USP37: variants seen among roughly 807,000 people sequenced by gnomAD.
The protein encoded by USP37 is ubiquitin specific peptidase 37, also known as ubiquitin carboxyl-terminal hydrolase 37.
In USP37, 27 loss-of-function variants were observed where a neutral mutation model predicts 124.0. The observed-to-expected ratio is 0.22, with a 90% confidence interval of 0.16 to 0.30. The LOEUF (loss-of-function observed/expected upper bound fraction) is 0.30, where lower values mean the gene tolerates loss of function less well. USP37 is among the 10% of genes least tolerant of loss of function. USP37 has a pLI of 1.00. For synonymous variants in USP37, 365 were observed against 388.0 expected (o/e 0.94, Z 0.70); for missense variants, 889 against 1,140.4 (o/e 0.78, Z 3.17).
chr2:218,481,219 G>C lies in USP37; in HGVS notation c.1835+851C>G, dbSNP rs373759098. The stretch of plus-strand genomic sequence containing the variant: ...TGATGAAGCAAAAACCTAAAGTAAA[G>C]ATTACTTCTTTTTTTCTTGAGAAAT... On this transcript the variant is annotated intron_variant, in intron 17 of 25. Transcript: ENST00000258399. Among the ~76,000 whole-genome samples, 46 of 152,272 alleles carry C rather than the reference G, an allele frequency of 3.0e-4. 1 individual carries two copies. In the East Asian group the frequency reaches 7.1e-3, roughly 24 times the overall value.
intron 22 of USP37, among the ~76,000 whole-genome samples, chr2:218,462,020 G>T (rs184786362): frequency 1.3e-5 from 2 of 152,284 alleles, no homozygotes; most frequent in African/African-American, 4.8e-5. Flanking sequence ...AGCTGGATGT[G>T]GTGGTGGGTG....
At chr2:218,459,375 T>C (rs947425466) in intron 23 of USP37, among the ~76,000 whole-genome samples, 1 of 151,758 alleles carries the variant, frequency 6.6e-6, no homozygotes, top group Non-Finnish European at 1.5e-5. Context: ...CAGCTAATTT[T>C]TGCATTTTTA....
At chr2:218,495,971 T>C in intron 13 of USP37, 21 bp from the exon 14 acceptor site, 2 of 1,591,396 alleles carry the variant, frequency 1.3e-6, no homozygotes, top group Non-Finnish European at 1.7e-6. Context: ...AACAATATCC[T>C]TAATCAGATA....
Position 218,459,496 on chromosome 2 carries a change from T to A in USP37, c.2643+294A>T, listed in dbSNP as rs575160799. Among the ~76,000 whole-genome samples, 135 of 152,286 alleles carry A rather than the reference T, an allele frequency of 8.9e-4. 1 individual carries two copies. Among genetic ancestry groups the A allele is most frequent in the Non-Finnish European group, 1.6e-3 (111 of 68,016 alleles). On this transcript the variant is annotated intron_variant, in intron 23 of 25. Coordinates refer to ENST00000258399, the MANE Select transcript of USP37 (RefSeq NM_020935.3). The stretch of plus-strand genomic sequence containing the variant: ...CTGGGATTACAGGCGTGAGCCACCA[T>A]GCCCGGCCAACTAAAGGTAATTTAA...
chr2:218,546,552 G>A (rs994262300), intron 7 of USP37, among the ~76,000 whole-genome samples: 1 of 152,176 alleles, frequency 6.6e-6, no homozygotes, highest in Non-Finnish European at 1.5e-5. Context: ...CCGAGTAGCT[G>A]GGACTATAGG....
rs761351962 is a variant in USP37 at position 218,553,598 on chromosome 2, T to C, written c.283A>G (p.Met95Val). 1 of 1,613,910 alleles carries C rather than the reference T, an allele frequency of 6.2e-7. No individual in the cohort carries two copies. The highest frequency in any genetic ancestry group is 2.2e-5 in the East Asian group (1 of 44,864). Residue 95 changes from methionine (M) to valine (V), a missense_variant, in exon 5 of 26, where the codon ATG (methionine) becomes GTG (valine). This residue lies in a region of USP37 where 374 missense variants were observed against 386.0 expected (regional missense o/e 0.97). Transcript: ENST00000258399. ...TGGACTGCATCTAGAAACAACCTCATTTCCTCTGCATCCTTACTTGGTACT... is the reference window on the plus strand; with the variant it reads ...TGGACTGCATCTAGAAACAACCTCACTTCCTCTGCATCCTTACTTGGTACT... ...DKVPSKDAEE[M>V]RLFLDAVHQN...
Position 218,513,228 on chromosome 2 carries a change from C to T in USP37, c.864-3088G>A, listed in dbSNP as rs150723217. On this transcript the variant is annotated intron_variant, in intron 10 of 25. Transcript: ENST00000258399. ...GTATTTTTTTGAAGAGATGGGGTCC[C>T]GCTATGTTGACCAGTTGGTCTCAAA... Among the ~76,000 whole-genome samples the T allele has an allele frequency of 1.2e-3, 176 of 152,000 alleles. 1 individual carries two copies. Among genetic ancestry groups the T allele is most frequent in the African/African-American group, 3.9e-3 (162 of 41,460 alleles).
At chr2:218,493,074 T>A (rs1688880419) in intron 14 of USP37, among the ~76,000 whole-genome samples, 1 of 152,128 alleles carries the variant, frequency 6.6e-6, no homozygotes, top group African/African-American at 2.4e-5. Flanking sequence ...TGCCTTATAT[T>A]AATTAAAAAG....
intron 8 of USP37, among the ~76,000 whole-genome samples, chr2:218,545,998 G>T (rs1692298799): frequency 6.6e-6 from 1 of 152,088 alleles, no homozygotes; most frequent in Non-Finnish European, 1.5e-5. Context: ...TTAAGAAAAG[G>T]CAGGATAAGA....
chr2:218,486,683 C>CAAAAGTG (rs72251611), intron 15 of USP37, among the ~76,000 whole-genome samples: 3 of 151,540 alleles, frequency 2.0e-5, no homozygotes, highest in Non-Finnish European at 4.4e-5. Context: ...TTGGCCTCAC[C>CAAAAGTG]TTGGGATTAC....
At chr2:218,494,716 A>C (rs771137020) in intron 14 of USP37, among the ~76,000 whole-genome samples, 1 of 152,236 alleles carries the variant, frequency 6.6e-6, no homozygotes, top group African/African-American at 2.4e-5. Context: ...AAAAAAATCT[A>C]TTCAGAGATG....
In USP37 at chr2:218,482,243, CAGG is replaced by C; in HGVS notation, c.1671-12_1671-10del. 6.2e-7 allele frequency: 1 copy of C among 1,605,598 alleles called. No homozygotes were observed. The highest frequency in any genetic ancestry group is 8.5e-7 in the Non-Finnish European group (1 of 1,174,248). On this transcript the variant is annotated splice_polypyrimidine_tract_variant and intron_variant, in intron 16 of 25. Coordinates refer to ENST00000258399, the MANE Select transcript of USP37 (RefSeq NM_020935.3). Reference sequence around the variant, plus strand: ...AATGGAGAATGAGGACCCTGAAAAACAGGAGATGACAACCTTACTAATTCATAC... The same window carrying C: ...AATGGAGAATGAGGACCCTGAAAAACAGATGACAACCTTACTAATTCATAC...
At chr2:218,545,012 ACT>A (rs1418546697) in intron 8 of USP37, among the ~76,000 whole-genome samples, 1 of 152,016 alleles carries the variant, frequency 6.6e-6, no homozygotes, top group Non-Finnish European at 1.5e-5. Flanking sequence ...AAGATCCTAG[ACT>A]CTGAGCTGGA....
chr2:218,552,822 AACTGTAAT>A (rs1340063035), intron 5 of USP37, among the ~76,000 whole-genome samples: 3 of 152,136 alleles, frequency 2.0e-5, no homozygotes, highest in Non-Finnish European at 2.9e-5. Flanking sequence ...AACTTTTCCC[AACTGTAAT>A]TTAAATCCTC....
chr2:218,501,577 G>C (rs1273979144), intron 11 of USP37, among the ~76,000 whole-genome samples: 2 of 152,308 alleles, frequency 1.3e-5, no homozygotes, highest in Non-Finnish European at 2.9e-5. Context: ...ATCCATAAGA[G>C]AAGGAAAATA....
At chr2:218,455,496 T>C (rs1374529456) in intron 25 of USP37, 84 bp downstream of exon 25, 18 of 1,483,510 alleles carry the variant, frequency 1.2e-5, no homozygotes, top group Non-Finnish European at 1.5e-5. Flanking sequence ...GATGGAAACA[T>C]TTTATCCTCA....
At chr2:218,564,643 G>C (rs140707729) in intron 1 of USP37, among the ~76,000 whole-genome samples, 134 of 152,228 alleles carry the variant, frequency 8.8e-4, no homozygotes, top group African/African-American at 3.0e-3. Context: ...TTCTCCCTAA[G>C]GTGGGAGTGG....
Position 218,451,714 on chromosome 2 carries a change from A to G in USP37, c.*3216T>C, listed in dbSNP as rs531028149. On this transcript the variant is annotated 3_prime_UTR_variant, in exon 26 of 26. Coordinates refer to ENST00000258399, the MANE Select transcript of USP37 (RefSeq NM_020935.3). The stretch of plus-strand genomic sequence containing the variant: ...AGAATTTTATACTTGATCAAGGAGA[A>G]AAATAAATGTGTAGTCTAACATTTG... 3.9e-5 allele frequency: 6 copies of G among 152,532 alleles called. No homozygotes were observed. The highest frequency in any genetic ancestry group is 1.2e-4 in the African/African-American group (5 of 41,580). 9.4% of individuals were successfully genotyped at this position (152,532 alleles called of 1,614,324 possible).
chr2:218,552,309 CAAGT>C (rs1692711763), intron 5 of USP37, among the ~76,000 whole-genome samples: 2 of 152,222 alleles, frequency 1.3e-5, no homozygotes, highest in East Asian at 1.9e-4. Flanking sequence ...TGAAAAAATT[CAAGT>C]AAGTTTGTCA....
Sources: gnomAD v4.1 joint callset for allele counts (sites outside exome capture counted in the v4.1 genomes callset) on GRCh38, gnomAD v4.1.1 for gene constraint, gnomAD v4.1.1 regional missense constraint, MANE v1.5 for transcripts, NCBI Gene and HGNC (gene_info 2026-07-23, HGNC 2026-07-21) for gene names.